ARHGAP6: variants seen among roughly 807,000 people sequenced by gnomAD.
ARHGAP6 encodes Rho GTPase activating protein 6, also known as rho GTPase-activating protein 6.
A neutral mutation model predicts 55.7 loss-of-function variants in ARHGAP6; 16 were observed. That is an observed-to-expected ratio of 0.29 (90% CI 0.19 to 0.44). ARHGAP6 has a LOEUF of 0.44. ARHGAP6 is among the 20% of genes least tolerant of loss of function. ARHGAP6 has a pLI of 1.00. For synonymous variants in ARHGAP6, 382 were observed against 360.9 expected (o/e 1.06, Z -0.66); for missense variants, 698 against 808.9 (o/e 0.86, Z 1.66).
chrX:11,657,129 A>C (rs780206376), intron 1 of ARHGAP6, among the ~76,000 whole-genome samples: 22 of 111,304 alleles, frequency 2.0e-4, no homozygotes, highest in Non-Finnish European at 3.6e-4. Context: ...AAGGCATTGA[A>C]ATGACTAGCT....
chrX:11,179,631 ATGTGTGTG>A (rs111989287), intron 6 of ARHGAP6, among the ~76,000 whole-genome samples, 179 bp from the exon 7 acceptor site: 1 of 106,133 alleles, frequency 9.4e-6, no homozygotes, highest in Non-Finnish European at 1.9e-5. Context: ...AGCTATGAAT[ATGTGTGTG>A]TGTGTGTGTA....
chrX:11,223,584 A>T (rs1245762213), intron 2 of ARHGAP6, among the ~76,000 whole-genome samples: 3 of 111,996 alleles, frequency 2.7e-5, no homozygotes, highest in African/African-American at 9.7e-5. Flanking sequence ...TTCAACGTTT[A>T]GTCTGTAGAT....
intron 3 of ARHGAP6, among the ~76,000 whole-genome samples, chrX:11,193,903 G>A (rs1189784895): frequency 8.9e-6 from 1 of 112,640 alleles, no homozygotes; most frequent in Non-Finnish European, 1.9e-5. Flanking sequence ...TCATCATTCT[G>A]TTGAGGGAAC....
chrX:11,311,993 T>TA (rs201708491), intron 1 of ARHGAP6, among the ~76,000 whole-genome samples: 25,918 of 107,586 alleles, frequency 0.24, 2,445 homozygotes, highest in Middle Eastern at 0.35. Context: ...ATGAGGCTGA[T>TA]AAAAAAAAAA....
intron 2 of ARHGAP6, among the ~76,000 whole-genome samples, chrX:11,218,253 T>G (rs750791876): frequency 5.4e-5 from 6 of 112,038 alleles, no homozygotes; most frequent in African/African-American, 1.9e-4. Context: ...GTGAAGAAAG[T>G]CAATGGTAGC....
intron 1 of ARHGAP6, among the ~76,000 whole-genome samples, chrX:11,652,850 A>G (rs2052600168): frequency 8.9e-6 from 1 of 112,253 alleles, no homozygotes; most frequent in Admixed American, 9.5e-5. Context: ...TGTTTGGAAT[A>G]GACAGAAGAC....
chrX:11,376,564 GTGAGATCTGTGTCAGAA>G (rs2049203619), intron 1 of ARHGAP6, among the ~76,000 whole-genome samples: 1 of 113,083 alleles, frequency 8.8e-6, no homozygotes, highest in South Asian at 3.6e-4. Flanking sequence ...TTTTAGCCTA[GTGAGATCTGTGTCAGAA>G]TTCTAGTCTA....
intron 1 of ARHGAP6, among the ~76,000 whole-genome samples, chrX:11,540,110 C>G (rs1208103282): frequency 2.7e-5 from 3 of 109,385 alleles, no homozygotes; most frequent in Non-Finnish European, 5.7e-5. Flanking sequence ...AAAAATTAGC[C>G]AGGCATGGTG....
chrX:11,326,490 A>G (rs1053482690), intron 1 of ARHGAP6, among the ~76,000 whole-genome samples: 12 of 109,973 alleles, frequency 1.1e-4, no homozygotes, highest in Non-Finnish European at 2.1e-4. Flanking sequence ...TATTGTTGGC[A>G]CCTCACAAAG....
At chrX:11,539,118 A>G (rs1057185546) in intron 1 of ARHGAP6, among the ~76,000 whole-genome samples, 5 of 110,984 alleles carry the variant, frequency 4.5e-5, no homozygotes, top group Non-Finnish European at 9.5e-5. Context: ...CGGCCTCCCA[A>G]AGTGATGGGA....
chrX:11,283,859 T>C (rs1306754552), intron 1 of ARHGAP6, among the ~76,000 whole-genome samples: 1 of 111,960 alleles, frequency 8.9e-6, no homozygotes, highest in African/African-American at 3.3e-5. Context: ...GTGAGACCCA[T>C]TTCAGACTTC....
intron 1 of ARHGAP6, among the ~76,000 whole-genome samples, chrX:11,429,917 G>C (rs1165001866): frequency 8.9e-6 from 1 of 112,077 alleles, no homozygotes; most frequent in Non-Finnish European, 1.9e-5. Context: ...CGTGTGTACA[G>C]ATGTAATTCA....
In ARHGAP6 at chrX:11,482,184, C is replaced by T. The variant is rs138828083; in HGVS notation, c.588+182057G>A. On this transcript the variant is annotated intron_variant, in intron 1 of 12. Coordinates refer to ENST00000337414, the MANE Select transcript of ARHGAP6 (RefSeq NM_013427.3). ...AGATGCTACTAAATATTCTACAGTG[C>T]GCAGGATAGTCCCCCACAGTGAGGA... Among the ~76,000 whole-genome samples, 642 of 111,965 alleles carry T rather than the reference C, an allele frequency of 5.7e-3. 2 individuals are homozygous for T. Among genetic ancestry groups the T allele is most frequent in the Middle Eastern group, 0.032 (7 of 217 alleles).
chrX:11,574,308 T>C (rs2051569183), intron 1 of ARHGAP6, among the ~76,000 whole-genome samples: 1 of 111,125 alleles, frequency 9.0e-6, no homozygotes, highest in South Asian at 3.8e-4. Context: ...TTGATGAACA[T>C]TGATGCAAAA....
intron 1 of ARHGAP6, among the ~76,000 whole-genome samples, chrX:11,274,208 T>C (rs1438233674): frequency 8.9e-6 from 1 of 112,245 alleles, no homozygotes; most frequent in East Asian, 2.8e-4. Flanking sequence ...TTCTAAAGTT[T>C]GTAACTTAAT....
chrX:11,169,870 C>T (rs745492985), intron 8 of ARHGAP6, among the ~76,000 whole-genome samples, 186 bp from the exon 9 acceptor site: 1 of 109,991 alleles, frequency 9.1e-6, no homozygotes, highest in African/African-American at 3.3e-5. Context: ...TGGATTGAAG[C>T]TCACAGTTCA....
intron 1 of ARHGAP6, among the ~76,000 whole-genome samples, chrX:11,662,886 A>G (rs919328934): frequency 8.9e-6 from 1 of 111,808 alleles, no homozygotes; most frequent in African/African-American, 3.3e-5. Flanking sequence ...GCCCCTCCTA[A>G]AGACCAAGAG....
chrX:11,450,777 T>C (rs1354039906), intron 1 of ARHGAP6, among the ~76,000 whole-genome samples: 1 of 111,703 alleles, frequency 9.0e-6, no homozygotes, highest in Non-Finnish European at 1.9e-5. Context: ...GTCTTGTGCA[T>C]TGAAGAACAT....
intron 1 of ARHGAP6, among the ~76,000 whole-genome samples, chrX:11,496,210 T>G (rs768114006): frequency 1.8e-5 from 2 of 112,774 alleles, no homozygotes; most frequent in East Asian, 2.8e-4. Flanking sequence ...GATAATTTGT[T>G]ACACAGTAAT....
Sources: gnomAD v4.1 joint callset for allele counts (sites outside exome capture counted in the v4.1 genomes callset) on GRCh38, gnomAD v4.1.1 for gene constraint, MANE v1.5 for transcripts, NCBI Gene and HGNC (gene_info 2026-07-23, HGNC 2026-07-21) for gene names.